Variants in ZFR observed in about 807,000 individuals in gnomAD.
ZFR encodes the protein zinc finger RNA binding protein.
A neutral mutation model predicts 130.7 loss-of-function variants in ZFR; 19 were observed. The observed-to-expected ratio is 0.15, with a 90% CI of 0.10 to 0.21. The LOEUF is 0.21. ZFR is among the 10% of genes least tolerant of loss of function. The pLI, the probability that ZFR is intolerant of heterozygous loss-of-function variation, is 1.00. For missense variants in ZFR, 872 were observed against 1,321.5 expected, an observed-to-expected ratio of 0.66 and a Z score of 5.27; for synonymous variants, 466 against 456.9, an observed-to-expected ratio of 1.02 and a Z score of -0.25.
At chr5:32,409,690 G>A (rs2111792644) in intron 5 of ZFR, among the ~76,000 whole-genome samples, 1 of 152,298 alleles carries the variant, frequency 6.6e-6, no homozygotes, top group East Asian at 1.9e-4. Context: ...ACAGGCATGA[G>A]CCACCGCACC....
chr5:32,433,768 G>C (rs1213268739), intron 2 of ZFR, among the ~76,000 whole-genome samples: 1 of 152,076 alleles, frequency 6.6e-6, no homozygotes, highest in Non-Finnish European at 1.5e-5. Flanking sequence ...GTATATTTTA[G>C]TGCACAAACT....
intron 17 of ZFR, among the ~76,000 whole-genome samples, chr5:32,374,241 C>T (rs1407505227): frequency 2.0e-5 from 3 of 152,164 alleles, no homozygotes. Context: ...CACGGTGGCT[C>T]ACGCCTGTAA....
At chr5:32,379,259 T>C in intron 16 of ZFR, 49 bp from the exon 17 acceptor site, 1 of 1,499,034 alleles carries the variant, frequency 6.7e-7, no homozygotes, top group Non-Finnish European at 9.3e-7. Flanking sequence ...AAATACTGAA[T>C]ATATCCCTTG....
chr5:32,435,525 T>C lies in ZFR; in HGVS notation c.137+8704A>G, dbSNP rs73757231. On this transcript the variant is annotated intron_variant, in intron 2 of 19. Coordinates refer to ENST00000265069, the MANE Select transcript of ZFR (RefSeq NM_016107.5). ...CATTTCATAGAGACCATTATGCTTA[T>C]AGTATAAAACGGTTTGGGAATGGGC... 7.5e-3 allele frequency among the ~76,000 whole-genome samples: 1,135 copies of C among 152,328 alleles called. 18 individuals carry two copies. The highest frequency in any genetic ancestry group is 0.026 in the African/African-American group (1,079 of 41,572).
chr5:32,408,313 T>TAAAA (rs781068231), intron 5 of ZFR, among the ~76,000 whole-genome samples: 1 of 71,254 alleles, frequency 1.4e-5, no homozygotes, highest in African/African-American at 4.6e-5. Context: ...AACGTTTGAT[T>TAAAA]AAAAAAAAAA....
At chr5:32,424,394 A>G (rs1343098472) in intron 2 of ZFR, among the ~76,000 whole-genome samples, 1 of 152,098 alleles carries the variant, frequency 6.6e-6, no homozygotes, top group Non-Finnish European at 1.5e-5. Context: ...AGCTGGGCGC[A>G]GTGGCGGGCA....
At chr5:32,416,621 A>AAAAAC (rs1753832190) in intron 4 of ZFR, among the ~76,000 whole-genome samples, 2 of 151,694 alleles carry the variant, frequency 1.3e-5, no homozygotes, top group Admixed American at 1.3e-4. Context: ...TCTCAAAAAA[A>AAAAAC]AAAAAAAGAG....
At chr5:32,376,095 G>C (rs1338742327) in intron 17 of ZFR, among the ~76,000 whole-genome samples, 1 of 151,532 alleles carries the variant, frequency 6.6e-6, no homozygotes, top group Non-Finnish European at 1.5e-5. Context: ...ACCCGCCTCG[G>C]CCTCCTAAAG....
chr5:32,407,527 G>A (rs1753603095), intron 5 of ZFR, among the ~76,000 whole-genome samples: 2 of 151,894 alleles, frequency 1.3e-5, no homozygotes, highest in South Asian at 4.2e-4. Flanking sequence ...ACTAAAATCT[G>A]GAGCCCCAGT....
chr5:32,399,181 A>G (rs1287417336), intron 9 of ZFR, among the ~76,000 whole-genome samples: 1 of 151,966 alleles, frequency 6.6e-6, no homozygotes, highest in Admixed American at 6.6e-5. Context: ...AGGCTGAGGC[A>G]GAAGAATTGC....
chr5:32,420,298 ATTC>A (rs1360668257), intron 2 of ZFR, among the ~76,000 whole-genome samples, 195 bp from the exon 3 acceptor site: 8 of 152,166 alleles, frequency 5.3e-5, no homozygotes, highest in Middle Eastern at 3.4e-3. Flanking sequence ...TGTAATTTTC[ATTC>A]TTTTTTTTTT....
chr5:32,399,397 GA>G (rs1753392666), intron 9 of ZFR, among the ~76,000 whole-genome samples: 1 of 152,300 alleles, frequency 6.6e-6, no homozygotes, highest in South Asian at 2.1e-4. Context: ...CAATTTTATA[GA>G]TATCGACACT....
chr5:32,440,110 A>G (rs746308420), intron 2 of ZFR, among the ~76,000 whole-genome samples: 1 of 152,174 alleles, frequency 6.6e-6, no homozygotes, highest in Non-Finnish European at 1.5e-5. Flanking sequence ...TCTCCGCAAG[A>G]TTTATTTAAA....
chr5:32,400,431 C>T (rs905440883), intron 8 of ZFR, among the ~76,000 whole-genome samples: 1 of 152,146 alleles, frequency 6.6e-6, no homozygotes, highest in Non-Finnish European at 1.5e-5. Context: ...ACCCAACACC[C>T]TCCTCATCCC....
rs149276674 is a variant in ZFR at position 32,416,726 on chromosome 5, C to T, written c.565+922G>A. Among the ~76,000 whole-genome samples the T allele has an allele frequency of 4.7e-3, 711 of 151,864 alleles. 3 individuals carry two copies. Among genetic ancestry groups the T allele is most frequent in the South Asian group, 0.012 (59 of 4,796 alleles). ...ATAAAATCTTACAACTAGAAGGGGC[C>T]CTACTGAAATTTGGGTCAACTACCT... On this transcript the variant is annotated intron_variant, in intron 4 of 19. Coordinates refer to ENST00000265069, the MANE Select transcript of ZFR (RefSeq NM_016107.5).
intron 8 of ZFR, among the ~76,000 whole-genome samples, chr5:32,401,613 G>A (rs1245237000): frequency 6.6e-6 from 1 of 152,166 alleles, no homozygotes; most frequent in East Asian, 1.9e-4. Context: ...TGAGTTATGA[G>A]GCTGGAAAGG....
At chr5:32,428,413 A>C (rs1754124237) in intron 2 of ZFR, among the ~76,000 whole-genome samples, 1 of 151,928 alleles carries the variant, frequency 6.6e-6, no homozygotes. Flanking sequence ...GTCTGTCTCA[A>C]AAAAAAAGAA....
At chr5:32,413,208 AAACAAAACAAAAAAC>A (rs1453782381) in intron 5 of ZFR, among the ~76,000 whole-genome samples, 1 of 151,700 alleles carries the variant, frequency 6.6e-6, no homozygotes, top group African/African-American at 2.4e-5. Flanking sequence ...AAACAAAACA[AAACAAAACAAAAAAC>A]AAAACAAAAC....
intron 17 of ZFR, among the ~76,000 whole-genome samples, chr5:32,374,954 A>T (rs2111693318): frequency 6.6e-6 from 1 of 152,346 alleles, no homozygotes; most frequent in Non-Finnish European, 1.5e-5. Context: ...TTAAACAAAG[A>T]AAAGCTTCCA....
Sources: allele counts gnomAD v4.1 joint callset (sites outside exome capture counted in the v4.1 genomes callset), GRCh38; gene constraint gnomAD v4.1.1; transcripts MANE v1.5; gene names NCBI Gene and HGNC (gene_info 2026-07-23, HGNC 2026-07-21).